The following RYR3 variants were observed in gnomAD, a reference collection of about 807,000 sequenced individuals.
The protein encoded by RYR3 is brain ryanodine receptor-calcium release channel.
RYR3 carries 207 observed loss-of-function variants against 584.3 expected under a neutral mutation model. The ratio of observed to expected loss-of-function variants is 0.35; its 90% CI spans 0.32 to 0.40. The LOEUF (loss-of-function observed/expected upper bound fraction) is 0.40. Ranked by LOEUF, RYR3 falls within the 10% of genes least tolerant of loss-of-function variation. The pLI is 1.00. For missense variants in RYR3, 5,616 were observed against 6,089.2 expected (o/e 0.92, Z 2.59); for synonymous variants, 2,416 against 2,248.5 (o/e 1.07, Z -2.11).
intron 38 of RYR3, among the ~76,000 whole-genome samples, chr15:33,676,927 T>C (rs1434647490): frequency 5.3e-5 from 8 of 152,054 alleles, no homozygotes; most frequent in Admixed American, 5.2e-4. Context: ...GGGAAGAGAG[T>C]TTGGTTCTCA....
chr15:33,363,515 C>G (rs944451951), intron 1 of RYR3, among the ~76,000 whole-genome samples: 1 of 152,088 alleles, frequency 6.6e-6, no homozygotes, highest in East Asian at 1.9e-4. Context: ...ATACAGTGGT[C>G]TTTCAAATCC....
chr15:33,541,466 C>T (rs559625958), intron 7 of RYR3, among the ~76,000 whole-genome samples: 21 of 152,258 alleles, frequency 1.4e-4, no homozygotes, highest in Non-Finnish European at 2.8e-4. Flanking sequence ...AGGTAAAAAT[C>T]AATACACCTT....
intron 21 of RYR3, among the ~76,000 whole-genome samples, chr15:33,629,077 A>T (rs960213102): frequency 6.6e-6 from 1 of 152,236 alleles, no homozygotes; most frequent in Non-Finnish European, 1.5e-5. Context: ...CTCAAATGAC[A>T]CACATTCTAG....
chr15:33,785,821 C>T lies in RYR3; in HGVS notation c.9428C>T (p.Ser3143Phe). Reference protein sequence around the residue: ...VILPMLCNYLSYWWERGPENL... With the variant: ...VILPMLCNYLFYWWERGPENL... ...TTACCCATGCTCTGCAACTACTTGT[C>T]CTACTGGTGGGAGCGGGGTCCTGAG... is the stretch of plus-strand genomic sequence containing the variant. The change falls in exon 66 of 104, where the codon TCC (serine) becomes TTC (phenylalanine). Residue 3143 changes from serine (S) to phenylalanine (F), a missense_variant. Ser to Phe is a radical substitution (Grantham distance 155, BLOSUM62 -2). This residue lies in a region of RYR3 where 954 missense variants were observed against 1,132.2 expected (regional missense o/e 0.84). Coordinates refer to ENST00000634891, the MANE Select transcript of RYR3 (RefSeq NM_001036.6). The T allele has an allele frequency of 6.2e-7, 1 of 1,613,982 alleles. No homozygotes were observed.
chr15:33,685,875 C>G (rs187676992), intron 38 of RYR3, among the ~76,000 whole-genome samples: 12 of 152,218 alleles, frequency 7.9e-5, no homozygotes, highest in Admixed American at 6.5e-4. Context: ...GCAGAAATAA[C>G]GATGTTCTTT....
chr15:33,780,217 C>A lies in RYR3; in HGVS notation c.9144C>A (p.Arg3048=), dbSNP rs755283476. The change falls in exon 65 of 104, where the codon CGC becomes CGA. Residue 3048 remains arginine, a synonymous_variant. Transcript: ENST00000634891. ...TGKNIYVERQ[R]PALGECLASL... is the part of the protein sequence containing the mutation. ...TGGACTTCTTTGTTTCCAGGCAACG[C>A]CCTGCCCTTGGAGAATGTCTGGCCT... 1 of 1,613,678 alleles carries A rather than the reference C, an allele frequency of 6.2e-7. No individual in the cohort carries two copies. Among genetic ancestry groups the A allele is most frequent in the East Asian group, 2.2e-5 (1 of 44,876 alleles).
intron 32 of RYR3, among the ~76,000 whole-genome samples, chr15:33,658,196 T>C (rs2062934649): frequency 6.6e-6 from 1 of 152,200 alleles, no homozygotes; most frequent in South Asian, 2.1e-4. Flanking sequence ...CTGCCTTCTT[T>C]TCTAGAGCTC....
chr15:33,339,713 C>T (rs1971576593), intron 1 of RYR3, among the ~76,000 whole-genome samples: 1 of 152,034 alleles, frequency 6.6e-6, no homozygotes, highest in Non-Finnish European at 1.5e-5. Context: ...CACGGTGAAA[C>T]CCCGTCTCTA....
At position 33,390,320 on chromosome 15, in the gene RYR3, A is replaced by C. The variant is rs796632326; in HGVS notation, c.51+79224A>C. Among the ~76,000 whole-genome samples the C allele has an allele frequency of 1.4e-4, 22 of 152,252 alleles. No homozygotes were observed. The highest frequency in any genetic ancestry group is 5.1e-4 in the African/African-American group (21 of 41,472). On this transcript the variant is annotated intron_variant, in intron 1 of 103. Transcript: ENST00000634891. The surrounding 1 kb of genome is among the most constrained non-coding windows in gnomAD (Gnocchi z 4.2). The stretch of plus-strand genomic sequence containing the variant: ...TTTTAGCTGGGCCCACATGGGCCTC[A>C]GTACCAGTATACCTGGGGGTCTCTA...
At chr15:33,832,656 CA>C (rs34289866) in intron 86 of RYR3, among the ~76,000 whole-genome samples, 37,996 of 112,002 alleles carry the variant, frequency 0.34, 4,857 homozygotes, top group Middle Eastern at 0.53. Flanking sequence ...GACTCTGTCT[CA>C]AAAAAAAAAA....
intron 36 of RYR3, among the ~76,000 whole-genome samples, chr15:33,668,316 C>CA (rs931599027): frequency 2.6e-5 from 4 of 151,680 alleles, no homozygotes; most frequent in African/African-American, 9.7e-5. Flanking sequence ...GACTCTGTCT[C>CA]AAAAAAACAA....
chr15:33,589,811 A>G (rs1399185864), intron 16 of RYR3, among the ~76,000 whole-genome samples: 1 of 152,158 alleles, frequency 6.6e-6, no homozygotes, highest in Non-Finnish European at 1.5e-5. Flanking sequence ...ATTCTGTTCC[A>G]TTGATCCATG....
At chr15:33,800,675 AAATGTATG>A in intron 67 of RYR3, 87 bp from the exon 68 acceptor site, 1 of 833,626 alleles carries the variant, frequency 1.2e-6, no homozygotes, top group Non-Finnish European at 2.0e-6. Flanking sequence ...TGATCTGGAT[AAATGTATG>A]TCTCCAGTGC....
rs749455324 is a variant in RYR3 at position 33,550,202 on chromosome 15, C to T, written c.858C>T (p.Leu286=). 1.9e-6 allele frequency: 3 copies of T among 1,613,880 alleles called. No individual in the cohort carries two copies. The highest frequency in any genetic ancestry group is 2.5e-6 in the Non-Finnish European group (3 of 1,179,824). ...TCAGATGGGGCCAGGCTTTCCGACTCCGGCATCTCACCACAGGCCACTACC... is the reference window on the plus strand; with the variant it reads ...TCAGATGGGGCCAGGCTTTCCGACTTCGGCATCTCACCACAGGCCACTACC... ...SNIRWGQAFR[L]RHLTTGHYLA... Residue 286 remains leucine, a synonymous_variant, in exon 10 of 104, where the codon CTC becomes CTT. Coordinates refer to ENST00000634891, the MANE Select transcript of RYR3 (RefSeq NM_001036.6).
In RYR3 at chr15:33,503,822, C is replaced by A; in HGVS notation, c.279+84C>A. ...GTTCTACATTTCATCCAACTTTGAA[C>A]TGAAAAATTTTAAGACTGTTGAGAT... is the stretch of plus-strand genomic sequence containing the variant. On this transcript the variant is annotated intron_variant, in intron 3 of 103. Coordinates refer to ENST00000634891, the MANE Select transcript of RYR3 (RefSeq NM_001036.6). 2 of 803,118 alleles carry A rather than the reference C, an allele frequency of 2.5e-6. 1 individual carries two copies. Among genetic ancestry groups the A allele is most frequent in the South Asian group, 3.2e-5 (2 of 62,996 alleles). 49.7% of individuals were successfully genotyped at this position (803,118 alleles called of 1,614,324 possible).
chr15:33,388,262 C>T (rs995562464), intron 1 of RYR3, among the ~76,000 whole-genome samples: 1 of 152,086 alleles, frequency 6.6e-6, no homozygotes, highest in Admixed American at 6.6e-5. Flanking sequence ...CTCTTCCCAG[C>T]AAAACTATCA....
chr15:33,589,260 G>A (rs982724806), intron 16 of RYR3, among the ~76,000 whole-genome samples: 7 of 152,082 alleles, frequency 4.6e-5, no homozygotes, highest in Non-Finnish European at 8.8e-5. Context: ...GTGTGTCTTC[G>A]TTTGAAAAAT....
At chr15:33,647,292 A>G in intron 29 of RYR3, 132 bp from the exon 30 acceptor site, 3 of 676,446 alleles carry the variant, frequency 4.4e-6, no homozygotes, top group Non-Finnish European at 7.9e-6. Flanking sequence ...ACTGGTTGCA[A>G]TCACTTGTGT....
intron 60 of RYR3, among the ~76,000 whole-genome samples, chr15:33,759,974 G>A (rs1209659162): frequency 6.6e-6 from 1 of 152,138 alleles, no homozygotes; most frequent in Non-Finnish European, 1.5e-5. Context: ...AGAAGAGGGT[G>A]GGGCCAATAT....
Sources: gnomAD v4.1 joint callset for allele counts (sites outside exome capture counted in the v4.1 genomes callset) on GRCh38, gnomAD v4.1.1 for gene constraint, gnomAD v4.1.1 regional missense constraint, Gnocchi (gnomAD v3.1) non-coding constraint, MANE v1.5 for transcripts, NCBI Gene and HGNC (gene_info 2026-07-23, HGNC 2026-07-21) for gene names.